The following SMYD3 variants were observed in gnomAD, a reference collection of about 807,000 sequenced individuals.
The protein encoded by SMYD3 is histone-lysine N-methyltransferase SMYD3.
In SMYD3, 36 loss-of-function variants were observed where a neutral mutation model predicts 57.7. The ratio of observed to expected loss-of-function variants is 0.62; its 90% CI spans 0.48 to 0.82. SMYD3 has a LOEUF of 0.82. Ranked by LOEUF, SMYD3 falls within the 40% of genes least tolerant of loss-of-function variation. SMYD3 has a pLI of 0.00. For synonymous variants in SMYD3, 211 were observed against 195.0 expected (o/e 1.08, Z -0.68); for missense variants, 515 against 538.8 (o/e 0.96, Z 0.44).
chr1:246,152,402 G>A (rs896942732), intron 5 of SMYD3, among the ~76,000 whole-genome samples: 18 of 152,232 alleles, frequency 1.2e-4, no homozygotes, highest in Admixed American at 1.0e-3. Flanking sequence ...GAAGTACCAT[G>A]TTGTTGCTAT....
intron 5 of SMYD3, among the ~76,000 whole-genome samples, chr1:245,936,808 A>G (rs1190683337): frequency 6.6e-6 from 1 of 151,708 alleles, no homozygotes; most frequent in African/African-American, 2.4e-5. Context: ...CTGAGGCTGC[A>G]GTGAGCCATG....
At chr1:246,031,647 G>T (rs2059677162) in intron 5 of SMYD3, among the ~76,000 whole-genome samples, 1 of 151,210 alleles carries the variant, frequency 6.6e-6, no homozygotes, top group South Asian at 2.1e-4. Flanking sequence ...TGAGGCAGGA[G>T]AATCGCTTGA....
At chr1:245,751,542 A>AG (rs1558298934) in intron 11 of SMYD3, among the ~76,000 whole-genome samples, 124 of 129,520 alleles carry the variant, frequency 9.6e-4, no homozygotes, top group South Asian at 6.9e-3. Context: ...AAGAGAGAGA[A>AG]AGAGAGAGAG....
chr1:245,785,662 T>A (rs1432913768), intron 10 of SMYD3, among the ~76,000 whole-genome samples: 1 of 132,608 alleles, frequency 7.5e-6, no homozygotes, highest in Admixed American at 7.8e-5. Flanking sequence ...AGAGAGAGAG[T>A]GCGTGAGAGA....
intron 10 of SMYD3, among the ~76,000 whole-genome samples, chr1:245,809,151 A>G (rs746972219): frequency 9.2e-5 from 14 of 152,192 alleles, no homozygotes; most frequent in Non-Finnish European, 1.9e-4. Context: ...CCTGCTGCTC[A>G]CTACTATCAA....
chr1:246,037,727 C>T (rs1045424858), intron 5 of SMYD3, among the ~76,000 whole-genome samples: 1 of 152,208 alleles, frequency 6.6e-6, no homozygotes, highest in Admixed American at 6.5e-5. Context: ...CTGTAAGTTG[C>T]CCCATTTGGG....
intron 10 of SMYD3, among the ~76,000 whole-genome samples, chr1:245,824,781 A>G (rs1000382993): frequency 6.6e-6 from 1 of 150,654 alleles, no homozygotes; most frequent in East Asian, 2.0e-4. Flanking sequence ...GCTTGAACCC[A>G]GGAGATGGAG....
chr1:246,119,886 G>A (rs1364195299), intron 5 of SMYD3, among the ~76,000 whole-genome samples: 1 of 152,110 alleles, frequency 6.6e-6, no homozygotes, highest in Non-Finnish European at 1.5e-5. Context: ...ATCAGTTCGT[G>A]GCTGAGATCC....
intron 10 of SMYD3, among the ~76,000 whole-genome samples, chr1:245,778,800 T>C (rs143229863): frequency 2.4e-3 from 329 of 139,638 alleles, no homozygotes; most frequent in African/African-American, 9.4e-3. Context: ...AAAAATATGA[T>C]TCATAAAAGA....
chr1:246,187,806 A>AT (rs2062666160), intron 5 of SMYD3, among the ~76,000 whole-genome samples: 1 of 152,184 alleles, frequency 6.6e-6, no homozygotes, highest in South Asian at 2.1e-4. Flanking sequence ...TTCCTTGGAG[A>AT]TAATGACAAT....
At chr1:245,859,809 T>C (rs932225779) in intron 9 of SMYD3, among the ~76,000 whole-genome samples, 1 of 152,234 alleles carries the variant, frequency 6.6e-6, no homozygotes, top group African/African-American at 2.4e-5. Flanking sequence ...CCTTTGACTG[T>C]AGTAAAGCTA....
chr1:246,449,555 C>A (rs897551054), intron 1 of SMYD3, among the ~76,000 whole-genome samples: 1 of 152,158 alleles, frequency 6.6e-6, no homozygotes, highest in Non-Finnish European at 1.5e-5. Flanking sequence ...TATGCAAGTT[C>A]TATAATCTCT....
At chr1:246,056,810 T>C (rs554162939) in intron 5 of SMYD3, among the ~76,000 whole-genome samples, 1 of 152,248 alleles carries the variant, frequency 6.6e-6, no homozygotes, top group Admixed American at 6.5e-5. Context: ...AAATAGGTAC[T>C]TCTGTTCACA....
Position 246,301,356 on chromosome 1 carries a change from T to A in SMYD3, c.531+25845A>T, listed in dbSNP as rs182270480. Among the ~76,000 whole-genome samples the A allele has an allele frequency of 1.2e-4, 19 of 152,058 alleles. No homozygotes were observed. In the East Asian group the frequency reaches 3.7e-3, roughly 29 times the overall value. On this transcript the variant is annotated intron_variant, in intron 5 of 11. Transcript: ENST00000490107. ...GAGCCAAGACAAACCAATAAGTAAC[T>A]GTGATAAAAGACAGGATGAGATGAG... is the stretch of plus-strand genomic sequence containing the variant.
rs2065905176 is a variant in SMYD3 at position 246,355,992 on chromosome 1, T to A, written c.165-898A>T. ...CCTCCCTGTAGGACCACAGCTGATG[T>A]GTTCCTGAAAGCACCAACTCCTGGC... On this transcript the variant is annotated intron_variant, in intron 1 of 11. Coordinates refer to ENST00000490107, the MANE Select transcript of SMYD3 (RefSeq NM_001167740.2). The surrounding 1 kb of genome is among the most constrained non-coding windows in gnomAD (Gnocchi z 5.0). Among the ~76,000 whole-genome samples, 1 of 152,154 alleles carries A rather than the reference T, an allele frequency of 6.6e-6. No homozygotes were observed. The highest frequency in any genetic ancestry group is 6.5e-5 in the Admixed American group (1 of 15,278).
At chr1:246,130,845 A>G (rs1371433815) in intron 5 of SMYD3, among the ~76,000 whole-genome samples, 1 of 152,158 alleles carries the variant, frequency 6.6e-6, no homozygotes, top group Non-Finnish European at 1.5e-5. Context: ...CTAAATCGTC[A>G]TAATCATTTC....
At chr1:246,479,875 C>G (rs573241601) in intron 1 of SMYD3, among the ~76,000 whole-genome samples, 1 of 152,070 alleles carries the variant, frequency 6.6e-6, no homozygotes, top group Admixed American at 6.6e-5. Flanking sequence ...GTGGCTGGCA[C>G]GTAAAGTCTC....
chr1:246,456,711 TG>T (rs1238079432), intron 1 of SMYD3, among the ~76,000 whole-genome samples: 3 of 152,148 alleles, frequency 2.0e-5, no homozygotes, highest in African/African-American at 7.2e-5. Flanking sequence ...CACAAATGAG[TG>T]GGACCAGAAG....
intron 5 of SMYD3, among the ~76,000 whole-genome samples, chr1:246,292,630 A>G (rs187482623): frequency 2.5e-4 from 38 of 152,352 alleles, no homozygotes; most frequent in African/African-American, 8.9e-4. Context: ...ACAGCACAAT[A>G]TAAATTTTGT....
Sources: allele counts gnomAD v4.1 joint callset (sites outside exome capture counted in the v4.1 genomes callset), GRCh38; gene constraint gnomAD v4.1.1; non-coding constraint Gnocchi (gnomAD v3.1); transcripts MANE v1.5; gene names NCBI Gene and HGNC (gene_info 2026-07-23, HGNC 2026-07-21).